Variants in DIP2C observed in about 807,000 individuals in gnomAD.
The protein encoded by DIP2C is DIP2 acetate--CoA ligase C (putative), also known as disco-interacting protein 2 homolog C.
A neutral mutation model predicts 192.4 loss-of-function variants in DIP2C; 33 were observed. The observed-to-expected ratio is 0.17, with a 90% CI of 0.13 to 0.23. The LOEUF is 0.23. Among genes scored for constraint, DIP2C ranks in the 10% least tolerant of loss-of-function variants. The pLI is 1.00. For missense variants in DIP2C, 1,537 were observed against 2,110.1 expected (o/e 0.73, Z 5.32); for synonymous variants, 979 against 864.1 (o/e 1.13, Z -2.33).
intron 21 of DIP2C, 77 bp from the exon 22 acceptor site, chr10:362,768 A>T: frequency 6.9e-7 from 1 of 1,444,850 alleles, no homozygotes; most frequent in East Asian, 2.3e-5. Flanking sequence ...GCAAAATATG[A>T]TCCACAATAC....
chr10:514,727 T>A (rs918222469), intron 1 of DIP2C, among the ~76,000 whole-genome samples: 8 of 152,254 alleles, frequency 5.3e-5, no homozygotes, highest in African/African-American at 1.9e-4. Flanking sequence ...CCCTGCTCCC[T>A]GCGTCCGGCT....
At chr10:367,243 C>T (rs1379564091) in intron 18 of DIP2C, among the ~76,000 whole-genome samples, 2 of 152,152 alleles carry the variant, frequency 1.3e-5, no homozygotes, top group Non-Finnish European at 2.9e-5. Context: ...TGGTGAAACC[C>T]CGTCTCTACT....
intron 17 of DIP2C, chr10:369,979 C>T (rs915591769): frequency 1.2e-5 from 12 of 985,410 alleles, no homozygotes; most frequent in African/African-American, 7.0e-5. Flanking sequence ...TCTTTCCTCC[C>T]GGCTCCTGCT....
At chr10:483,848 G>A (rs563960003) in intron 2 of DIP2C, among the ~76,000 whole-genome samples, 26 of 151,778 alleles carry the variant, frequency 1.7e-4, no homozygotes, top group Non-Finnish European at 2.4e-4. Flanking sequence ...ACAGGGTCTC[G>A]CTCTGTCCCC....
intron 8 of DIP2C, among the ~76,000 whole-genome samples, chr10:410,197 C>T (rs1318005449): frequency 6.6e-6 from 1 of 152,172 alleles, no homozygotes; most frequent in Non-Finnish European, 1.5e-5. Context: ...CTAATGAGAA[C>T]GTGAAGAGAA....
chr10:394,255 G>A (rs1436234454), intron 10 of DIP2C, among the ~76,000 whole-genome samples: 3 of 152,142 alleles, frequency 2.0e-5, no homozygotes, highest in African/African-American at 7.2e-5. Flanking sequence ...CCGGGCCTGT[G>A]CTGAACCGGA....
At chr10:286,219 G>C in intron 34 of DIP2C, 54 bp downstream of exon 34, 1 of 1,565,916 alleles carries the variant, frequency 6.4e-7, no homozygotes, top group Non-Finnish European at 8.8e-7. Flanking sequence ...GTCAAGGCAA[G>C]CCAAGGATAC....
rs1390008686 is a variant in DIP2C at position 415,906 on chromosome 10, G to C, written c.740-18C>G. The C allele has an allele frequency of 1.9e-6, 3 of 1,613,404 alleles. No individual in the cohort carries two copies. The highest frequency in any genetic ancestry group is 3.3e-5 in the Admixed American group (2 of 59,916). On this transcript the variant is annotated intron_variant, in intron 6 of 36. Transcript: ENST00000280886. Reference sequence around the variant, plus strand: ...TGGTACTCCTGAAAAACAGGAATCAGCGGGTGGGGAAAGCGATCATCACAG... The same window carrying C: ...TGGTACTCCTGAAAAACAGGAATCACCGGGTGGGGAAAGCGATCATCACAG...
chr10:655,337 A>C (rs1303233694), intron 1 of DIP2C, among the ~76,000 whole-genome samples: 3 of 152,120 alleles, frequency 2.0e-5, no homozygotes, highest in African/African-American at 7.2e-5. Flanking sequence ...AAGAACCCGG[A>C]CCCAGCTGAG....
chr10:344,399 C>G (rs1441226088), intron 28 of DIP2C, among the ~76,000 whole-genome samples: 15 of 118,362 alleles, frequency 1.3e-4, no homozygotes, highest in Admixed American at 3.5e-4. Context: ...GGGGGCGGGG[C>G]GGGGGGGGGT....
intron 32 of DIP2C, among the ~76,000 whole-genome samples, chr10:295,337 G>A (rs1217368920): frequency 1.3e-5 from 2 of 151,282 alleles, no homozygotes; most frequent in African/African-American, 2.4e-5. Context: ...CGAGGTGGGT[G>A]GATCACGAGG....
intron 1 of DIP2C, among the ~76,000 whole-genome samples, chr10:561,597 T>A (rs894586584): frequency 7.2e-5 from 11 of 152,082 alleles, no homozygotes; most frequent in African/African-American, 2.7e-4. Context: ...CCACTGACCC[T>A]CCTGGTAACG....
intron 4 of DIP2C, among the ~76,000 whole-genome samples, chr10:428,455 C>CT (rs1966738012): frequency 6.6e-6 from 1 of 152,136 alleles, no homozygotes; most frequent in Non-Finnish European, 1.5e-5. Context: ...CCTTTTAGTA[C>CT]TTTAAAAAAT....
At chr10:461,074 T>G (rs1048232822) in intron 3 of DIP2C, among the ~76,000 whole-genome samples, 2 of 152,134 alleles carry the variant, frequency 1.3e-5, no homozygotes, top group African/African-American at 4.8e-5. Flanking sequence ...GACGAAAAAC[T>G]GGTACCAGCC....
At chr10:614,943 C>T (rs1853351987) in intron 1 of DIP2C, among the ~76,000 whole-genome samples, 1 of 152,196 alleles carries the variant, frequency 6.6e-6, no homozygotes, top group African/African-American at 2.4e-5. Flanking sequence ...TCACAGTTGC[C>T]TCAGCCAAGA....
At chr10:324,960 G>A (rs1395067986) in intron 31 of DIP2C, 2 of 532,520 alleles carry the variant, frequency 3.8e-6, no homozygotes, top group Admixed American at 3.9e-5. Context: ...CTCCTTCCTT[G>A]TAAACCATCT....
chr10:621,835 T>G (rs916344853), intron 1 of DIP2C, among the ~76,000 whole-genome samples: 1 of 152,076 alleles, frequency 6.6e-6, no homozygotes, highest in Non-Finnish European at 1.5e-5. Flanking sequence ...AAACAAGAGG[T>G]TGACATGGCT....
At chr10:464,384 A>G (rs1188007672) in intron 3 of DIP2C, among the ~76,000 whole-genome samples, 3 of 145,960 alleles carry the variant, frequency 2.1e-5, no homozygotes, top group Non-Finnish European at 3.0e-5. Flanking sequence ...ACAAACTTAG[A>G]AAAAAAAAAA....
chr10:606,202 C>T (rs1332543370), intron 1 of DIP2C, among the ~76,000 whole-genome samples: 1 of 152,220 alleles, frequency 6.6e-6, no homozygotes, highest in East Asian at 1.9e-4. Flanking sequence ...GGGGTGCCAG[C>T]CACGGCCCAG....
Sources: allele counts gnomAD v4.1 joint callset (sites outside exome capture counted in the v4.1 genomes callset), GRCh38; gene constraint gnomAD v4.1.1; transcripts MANE v1.5; gene names NCBI Gene and HGNC (gene_info 2026-07-23, HGNC 2026-07-21).